NDUFS4: variants seen among roughly 807,000 people sequenced by gnomAD.
NDUFS4 encodes the protein NADH:ubiquinone oxidoreductase subunit S4.
Under a neutral mutation model 24.3 loss-of-function variants are expected in NDUFS4, and 28 were observed. The ratio of observed to expected loss-of-function variants is 1.15; its 90% CI spans 0.85 to 1.58. The LOEUF (loss-of-function observed/expected upper bound fraction) is 1.58. Among genes scored for constraint, NDUFS4 ranks in the 40% most tolerant of loss-of-function variants. NDUFS4 has a pLI of 0.00. For missense variants in NDUFS4, 223 were observed against 207.9 expected (o/e 1.07, Z -0.45); for synonymous variants, 93 against 69.7 (o/e 1.34, Z -1.67).
intron 4 of NDUFS4, among the ~76,000 whole-genome samples, chr5:53,678,880 A>G (rs190847662): frequency 7.6e-4 from 115 of 152,232 alleles, no homozygotes; most frequent in African/African-American, 2.6e-3. Context: ...TTATCTTTTT[A>G]GCTCAGCTTC....
At chr5:53,632,233 G>A (rs1751430472) in intron 2 of NDUFS4, among the ~76,000 whole-genome samples, 1 of 152,196 alleles carries the variant, frequency 6.6e-6, no homozygotes, top group Non-Finnish European at 1.5e-5. Flanking sequence ...CTGGGAGCCT[G>A]GATTTTACTG....
chr5:53,601,560 C>T (rs1750327129), intron 1 of NDUFS4, among the ~76,000 whole-genome samples: 1 of 152,186 alleles, frequency 6.6e-6, no homozygotes, highest in Non-Finnish European at 1.5e-5. Context: ...ATAATTTGCA[C>T]TGTTTTCATC....
chr5:53,600,286 G>A (rs1029525132), intron 1 of NDUFS4, among the ~76,000 whole-genome samples: 1 of 148,886 alleles, frequency 6.7e-6, no homozygotes, highest in African/African-American at 2.5e-5. Context: ...GGTGTGAGCC[G>A]GCCCGCCCGG....
intron 3 of NDUFS4, among the ~76,000 whole-genome samples, chr5:53,652,427 T>C (rs1445634002): frequency 6.8e-6 from 1 of 147,374 alleles, no homozygotes; most frequent in Non-Finnish European, 1.5e-5. Context: ...GACAGAAATT[T>C]GAAATCTTAA....
At chr5:53,669,713 C>G (rs1752612832) in intron 4 of NDUFS4, among the ~76,000 whole-genome samples, 1 of 152,126 alleles carries the variant, frequency 6.6e-6, no homozygotes, top group South Asian at 2.1e-4. Flanking sequence ...AGTTCTTACA[C>G]TCAAACTGTA....
At chr5:53,641,322 G>C (rs1412456338) in intron 2 of NDUFS4, among the ~76,000 whole-genome samples, 1 of 152,070 alleles carries the variant, frequency 6.6e-6, no homozygotes, top group African/African-American at 2.4e-5. Context: ...GGTAAAAATA[G>C]TTTGTGAGAT....
At chr5:53,681,100 T>C (rs1380475298) in intron 4 of NDUFS4, among the ~76,000 whole-genome samples, 1 of 152,122 alleles carries the variant, frequency 6.6e-6, no homozygotes, top group East Asian at 1.9e-4. Flanking sequence ...CATGTTGCTA[T>C]GAAGTTGTGA....
chr5:53,587,144 A>G (rs1390441093), intron 1 of NDUFS4, among the ~76,000 whole-genome samples: 1 of 152,074 alleles, frequency 6.6e-6, no homozygotes, highest in African/African-American at 2.4e-5. Context: ...TATATAAAAT[A>G]AATTCTAAGA....
chr5:53,679,824 T>C (rs1275849892), intron 4 of NDUFS4, among the ~76,000 whole-genome samples: 1 of 152,152 alleles, frequency 6.6e-6, no homozygotes. Flanking sequence ...CTTAGGTTTC[T>C]TACCTATCAT....
rs191950819 is a variant in NDUFS4, at chr5:53,637,084, C to G, written c.178-9149C>G. On this transcript the variant is annotated intron_variant, in intron 2 of 4. Transcript: ENST00000296684. ...ATAGGCTCTTTTTAAGTCTGCTTTG[C>G]TGGAACTTTTCATAAGGAGTCTCAG... is the stretch of plus-strand genomic sequence containing the variant. 2.6e-4 allele frequency among the ~76,000 whole-genome samples: 39 copies of G among 152,264 alleles called. No homozygotes were observed. In the East Asian group the frequency reaches 7.5e-3, roughly 29 times the overall value.
intron 2 of NDUFS4, among the ~76,000 whole-genome samples, chr5:53,626,082 T>C (rs1482832722): frequency 1.3e-5 from 2 of 152,074 alleles, no homozygotes; most frequent in Non-Finnish European, 2.9e-5. Flanking sequence ...TTCCCCGCCC[T>C]GTGTCCAAGT....
intron 1 of NDUFS4, among the ~76,000 whole-genome samples, chr5:53,568,681 G>A (rs1749119494): frequency 6.6e-6 from 1 of 152,086 alleles, no homozygotes; most frequent in South Asian, 2.1e-4. Flanking sequence ...CACAGCTGTT[G>A]AACTCTGCCC....
chr5:53,644,887 A>G (rs191089287), intron 2 of NDUFS4, among the ~76,000 whole-genome samples: 4 of 152,248 alleles, frequency 2.6e-5, no homozygotes, highest in African/African-American at 9.6e-5. Context: ...ACTTTAAAGA[A>G]TTGGTTTTTA....
At chr5:53,672,907 A>C (rs1184194168) in intron 4 of NDUFS4, among the ~76,000 whole-genome samples, 1 of 152,104 alleles carries the variant, frequency 6.6e-6, no homozygotes, top group African/African-American at 2.4e-5. Flanking sequence ...TATTAATAAA[A>C]CTCAGATAAG....
At chr5:53,675,157 CTT>C (rs70983372) in intron 4 of NDUFS4, among the ~76,000 whole-genome samples, 3 of 102,948 alleles carry the variant, frequency 2.9e-5, no homozygotes, top group African/African-American at 3.8e-5. Context: ...AACAGAGTTC[CTT>C]TTTTTTTTTT....
At chr5:53,582,427 A>G (rs1749599442) in intron 1 of NDUFS4, among the ~76,000 whole-genome samples, 1 of 152,064 alleles carries the variant, frequency 6.6e-6, no homozygotes, top group African/African-American at 2.4e-5. Flanking sequence ...GGGCACACTC[A>G]AACATACCCA....
intron 2 of NDUFS4, among the ~76,000 whole-genome samples, chr5:53,616,127 A>G (rs1750830468): frequency 6.6e-6 from 1 of 151,930 alleles, no homozygotes; most frequent in African/African-American, 2.4e-5. Context: ...ATCTAGGACA[A>G]TCTGTAGTTG....
chr5:53,605,849 C>A (rs1165769017), intron 2 of NDUFS4, among the ~76,000 whole-genome samples: 8 of 151,968 alleles, frequency 5.3e-5, no homozygotes, highest in African/African-American at 1.9e-4. Flanking sequence ...CTCATCTCTA[C>A]CAAAAATACA....
intron 4 of NDUFS4, among the ~76,000 whole-genome samples, chr5:53,664,097 A>G (rs568671741): frequency 5.3e-5 from 8 of 152,250 alleles, no homozygotes; most frequent in Admixed American, 3.9e-4. Flanking sequence ...TATGAAGCTT[A>G]GTTTGGCTGG....
Sources: gnomAD v4.1 joint callset for allele counts (sites outside exome capture counted in the v4.1 genomes callset) on GRCh38, gnomAD v4.1.1 for gene constraint, MANE v1.5 for transcripts, NCBI Gene and HGNC (gene_info 2026-07-23, HGNC 2026-07-21) for gene names.